The following TIMP3 variants were observed in gnomAD, a reference collection of about 807,000 sequenced individuals.
TIMP3 encodes TIMP metallopeptidase inhibitor 3, also known as metalloproteinase inhibitor 3.
A neutral mutation model predicts 30.0 loss-of-function variants in TIMP3; 11 were observed. The ratio of observed to expected loss-of-function variants is 0.37; its 90% CI spans 0.23 to 0.61. The LOEUF is 0.61. Among genes scored for constraint, TIMP3 ranks in the 20% least tolerant of loss-of-function variants. TIMP3 has a pLI of 0.70. For missense variants in TIMP3, 181 were observed against 276.8 expected, an observed-to-expected ratio of 0.65 and a Z score of 2.45; for synonymous variants, 112 against 111.3, an observed-to-expected ratio of 1.01 and a Z score of -0.04.
rs550581244 is a variant in TIMP3 at position 32,814,052 on chromosome 22, T to C, written c.121+11930T>C. On this transcript the variant is annotated intron_variant, in intron 1 of 4. Coordinates refer to ENST00000266085, the MANE Select transcript of TIMP3 (RefSeq NM_000362.5). ...TAGTAGGCATTCAATAAAAGTATCA[T>C]GAATGAATAAGAACATTTGAGAAAG... Among the ~76,000 whole-genome samples, 3 of 149,630 alleles carry C rather than the reference T, an allele frequency of 2.0e-5. No homozygotes were observed. In the South Asian group the frequency reaches 6.3e-4, roughly 31 times the overall value.
At chr22:32,823,334 A>C (rs1025021745) in intron 1 of TIMP3, among the ~76,000 whole-genome samples, 5 of 152,200 alleles carry the variant, frequency 3.3e-5, no homozygotes, top group Non-Finnish European at 5.9e-5. Flanking sequence ...GACCTGCCAC[A>C]GAGAATGCCG....
chr22:32,824,103 C>T (rs750147200), intron 1 of TIMP3, among the ~76,000 whole-genome samples: 1 of 151,824 alleles, frequency 6.6e-6, no homozygotes, highest in African/African-American at 2.4e-5. Context: ...ACGGTGAAAC[C>T]CCATCTCTAC....
At chr22:32,832,310 G>A (rs1288896342) in intron 1 of TIMP3, among the ~76,000 whole-genome samples, 1 of 152,180 alleles carries the variant, frequency 6.6e-6, no homozygotes, top group African/African-American at 2.4e-5. Context: ...AAATGCATGA[G>A]TTAGAAATAT....
chr22:32,834,118 A>G (rs2047659859), intron 1 of TIMP3, among the ~76,000 whole-genome samples: 1 of 151,414 alleles, frequency 6.6e-6, no homozygotes, highest in Non-Finnish European at 1.5e-5. Flanking sequence ...ATCTAGGAAC[A>G]GGGGTTGGAG....
Position 32,859,820 on chromosome 22 carries a change from C to A in TIMP3, c.*443C>A, listed in dbSNP as rs1367361028. 5.0e-6 allele frequency: 1 copy of A among 198,358 alleles called. No homozygotes were observed. Among genetic ancestry groups the A allele is most frequent in the African/African-American group, 2.4e-5 (1 of 42,038 alleles). The allele number at this position is 198,358 out of a possible 1,614,324, so 12.3% of individuals were successfully genotyped here. On this transcript the variant is annotated 3_prime_UTR_variant, in exon 5 of 5. Coordinates refer to ENST00000266085, the MANE Select transcript of TIMP3 (RefSeq NM_000362.5). ...ATACATAAAGGACACAGACAAGGAACTTGCTGAAAGGCCAACCATTTCAGG... is the reference window on the plus strand; with the variant it reads ...ATACATAAAGGACACAGACAAGGAAATTGCTGAAAGGCCAACCATTTCAGG...
chr22:32,827,661 G>A (rs1461692995), intron 1 of TIMP3, among the ~76,000 whole-genome samples: 2 of 152,156 alleles, frequency 1.3e-5, no homozygotes. Context: ...TTTAAAAAAT[G>A]TCAGTCACAT....
Position 32,859,418 on chromosome 22 carries a change from T to A in TIMP3, c.*41T>A. 1 of 1,585,448 alleles carries A rather than the reference T, an allele frequency of 6.3e-7. No individual in the cohort carries two copies. Among genetic ancestry groups the A allele is most frequent in the Middle Eastern group, 1.7e-4 (1 of 6,032 alleles). Reference sequence around the variant, plus strand: ...CCACCTCACTTCCCTCCCTTCCCGCTGAGCTTCCCTTGGACACTAACTCTT... The same window carrying A: ...CCACCTCACTTCCCTCCCTTCCCGCAGAGCTTCCCTTGGACACTAACTCTT... On this transcript the variant is annotated 3_prime_UTR_variant, in exon 5 of 5. Transcript: ENST00000266085.
rs1029317013 is a variant in TIMP3 at position 32,802,076 on chromosome 22, A to G, written c.75A>G (p.Thr25=). 1.3e-5 allele frequency: 21 copies of G among 1,577,936 alleles called. No homozygotes were observed. The highest frequency in any genetic ancestry group is 1.7e-5 in the Non-Finnish European group (20 of 1,166,848). Residue 25 remains threonine (T), a synonymous_variant, in exon 1 of 5, where the codon ACA becomes ACG. Transcript: ENST00000266085. ...SLGDWGAEAC[T]CSPSHPQDAF... ...GGGACTGGGGCGCCGAGGCGTGCACATGCTCGCCCAGCCACCCCCAGGACG... is the reference window on the plus strand; with the variant it reads ...GGGACTGGGGCGCCGAGGCGTGCACGTGCTCGCCCAGCCACCCCCAGGACG...
chr22:32,849,677 G>A (rs2048164888), intron 2 of TIMP3, 143 bp downstream of exon 2: 2 of 779,092 alleles, frequency 2.6e-6, no homozygotes, highest in Non-Finnish European at 4.5e-6. Flanking sequence ...GCTGGAGAGG[G>A]AGCTGCTAAG....
chr22:32,843,045 G>C (rs1211127926), intron 1 of TIMP3, among the ~76,000 whole-genome samples: 1 of 152,060 alleles, frequency 6.6e-6, no homozygotes, highest in Non-Finnish European at 1.5e-5. Context: ...CCCATGTAAA[G>C]GTTTTTAGGT....
intron 1 of TIMP3, among the ~76,000 whole-genome samples, chr22:32,829,132 A>G (rs902187841): frequency 5.1e-4 from 78 of 152,280 alleles, no homozygotes; most frequent in African/African-American, 1.8e-3. Context: ...TGAAAGAGGA[A>G]CTGCTTAATT....
At chr22:32,847,127 T>C (rs1177881167) in intron 1 of TIMP3, among the ~76,000 whole-genome samples, 1 of 152,190 alleles carries the variant, frequency 6.6e-6, no homozygotes, top group Non-Finnish European at 1.5e-5. Context: ...TCTGTGTTAA[T>C]GAGGCAGAGA....
At chr22:32,852,779 G>C (rs191833785) in intron 2 of TIMP3, among the ~76,000 whole-genome samples, 2 of 152,330 alleles carry the variant, frequency 1.3e-5, no homozygotes, top group Admixed American at 6.5e-5. Context: ...AATGTTGAGA[G>C]AGCTTATTGC....
chr22:32,817,175 A>C (rs138741463), intron 1 of TIMP3, among the ~76,000 whole-genome samples: 1,624 of 151,832 alleles, frequency 0.011, 29 homozygotes, highest in African/African-American at 0.037. Context: ...CCATGATTGT[A>C]CCACTGCACT....
At chr22:32,808,288 C>T (rs903620711) in intron 1 of TIMP3, among the ~76,000 whole-genome samples, 5 of 152,224 alleles carry the variant, frequency 3.3e-5, no homozygotes, top group South Asian at 4.1e-4. Flanking sequence ...CAAAGCTGTC[C>T]GCTGGCCAGG....
intron 1 of TIMP3, among the ~76,000 whole-genome samples, chr22:32,817,690 C>T (rs1315728644): frequency 6.6e-6 from 1 of 152,174 alleles, no homozygotes; most frequent in Non-Finnish European, 1.5e-5. Context: ...TATAATCTTG[C>T]TTGGCTCAGT....
chr22:32,804,655 CT>C (rs1379044810), intron 1 of TIMP3, among the ~76,000 whole-genome samples: 2 of 152,160 alleles, frequency 1.3e-5, no homozygotes, highest in Non-Finnish European at 2.9e-5. Context: ...CTCTTTTTGT[CT>C]TTTTTCCCCA....
At chr22:32,833,131 G>T (rs1483817889) in intron 1 of TIMP3, among the ~76,000 whole-genome samples, 1 of 152,174 alleles carries the variant, frequency 6.6e-6, no homozygotes, top group Non-Finnish European at 1.5e-5. Context: ...GATTCCAAGT[G>T]GGGAAGGTGA....
At chr22:32,814,351 G>GAAAGGAAGAAAGGA (rs1555970165) in intron 1 of TIMP3, among the ~76,000 whole-genome samples, 1 of 14,592 alleles carries the variant, frequency 6.9e-5, no homozygotes, top group African/African-American at 1.5e-4. Context: ...GAAAGAAAGA[G>GAAAGGAAGAAAGGA]AGAAAGAAAG....
Sources: gnomAD v4.1 joint callset for allele counts (sites outside exome capture counted in the v4.1 genomes callset) on GRCh38, gnomAD v4.1.1 for gene constraint, MANE v1.5 for transcripts, NCBI Gene and HGNC (gene_info 2026-07-23, HGNC 2026-07-21) for gene names.